Variants in TSHZ2 observed in about 807,000 individuals in gnomAD.
TSHZ2 encodes the protein teashirt zinc finger homeobox 2.
TSHZ2 carries 21 observed loss-of-function variants against 74.4 expected under a neutral mutation model. The observed-to-expected ratio is 0.28, with a 90% CI of 0.20 to 0.41. The LOEUF (loss-of-function observed/expected upper bound fraction) is 0.41, where lower values mean the gene tolerates loss of function less well. Among genes scored for constraint, TSHZ2 ranks in the 10% least tolerant of loss-of-function variants. The pLI, the probability that TSHZ2 is intolerant of heterozygous loss-of-function variation, is 1.00. For synonymous variants in TSHZ2, 540 were observed against 515.3 expected, an observed-to-expected ratio of 1.05 and a Z score of -0.65; for missense variants, 1,244 against 1,293.5, an observed-to-expected ratio of 0.96 and a Z score of 0.59.
intron 2 of TSHZ2, among the ~76,000 whole-genome samples, chr20:53,458,878 T>A (rs914783080): frequency 6.6e-6 from 1 of 152,046 alleles, no homozygotes; most frequent in Non-Finnish European, 1.5e-5. Context: ...CGGTTTTGAG[T>A]GAGATTCTTA....
intron 1 of TSHZ2, chr20:53,206,723 T>C (rs1230980894): frequency 6.6e-6 from 1 of 152,246 alleles, no homozygotes; most frequent in African/African-American, 2.4e-5. Context: ...GGGATTTTTA[T>C]AATCCAAATT....
intron 1 of TSHZ2, among the ~76,000 whole-genome samples, chr20:53,060,053 C>A (rs1315412363): frequency 3.3e-5 from 5 of 152,112 alleles, no homozygotes; most frequent in Admixed American, 2.6e-4. Context: ...AGAGCTATGT[C>A]GAAATGTAGA....
At chr20:53,409,202 C>A (rs1982956065) in intron 2 of TSHZ2, among the ~76,000 whole-genome samples, 1 of 151,960 alleles carries the variant, frequency 6.6e-6, no homozygotes, top group Non-Finnish European at 1.5e-5. Context: ...AAAGGCCCAA[C>A]AAATGGCATT....
At position 53,321,117 on chromosome 20, in the gene TSHZ2, C is replaced by T. The variant is rs145409919; in HGVS notation, c.*8+64546C>T. Among the ~76,000 whole-genome samples the T allele has an allele frequency of 8.5e-5, 13 of 152,278 alleles. No homozygotes were observed. The East Asian group carries it at 9.6e-4, about 11-fold the overall frequency. On this transcript the variant is annotated intron_variant, in intron 2 of 2. Coordinates refer to ENST00000371497, the MANE Select transcript of TSHZ2 (RefSeq NM_173485.6). ...ACCACAATACACCATCACTCTAGGG[C>T]GCAACAGGTTTTCAATAATGAAATT... is the stretch of plus-strand genomic sequence containing the variant.
At chr20:53,144,115 G>A (rs1309150968) in intron 1 of TSHZ2, among the ~76,000 whole-genome samples, 1 of 152,190 alleles carries the variant, frequency 6.6e-6, no homozygotes, top group African/African-American at 2.4e-5. Context: ...ACTGAGTGCA[G>A]GGTCTGCATA....
At chr20:53,237,132 A>G (rs1335254025) in intron 1 of TSHZ2, among the ~76,000 whole-genome samples, 2 of 152,220 alleles carry the variant, frequency 1.3e-5, no homozygotes, top group Non-Finnish European at 2.9e-5. Flanking sequence ...AACTCACATG[A>G]GATCCTTACT....
chr20:53,407,434 T>C (rs1422887568), intron 2 of TSHZ2, among the ~76,000 whole-genome samples: 1 of 152,234 alleles, frequency 6.6e-6, no homozygotes, highest in African/African-American at 2.4e-5. Context: ...AGAAATTCTT[T>C]TGAATGCAAT....
chr20:52,980,210 C>T (rs1024988144), intron 1 of TSHZ2, among the ~76,000 whole-genome samples: 2 of 152,176 alleles, frequency 1.3e-5, no homozygotes, highest in African/African-American at 2.4e-5. Context: ...AACTTTGTTG[C>T]GGCAGGATAA....
At chr20:53,265,597 C>T (rs146227532) in intron 2 of TSHZ2, among the ~76,000 whole-genome samples, 294 of 152,300 alleles carry the variant, frequency 1.9e-3, no homozygotes, top group African/African-American at 7.0e-3. Context: ...GCAGTAAATG[C>T]CACCTCCCTG....
chr20:53,281,059 A>T (rs1228302771), intron 2 of TSHZ2, among the ~76,000 whole-genome samples: 1 of 152,216 alleles, frequency 6.6e-6, no homozygotes, highest in African/African-American at 2.4e-5. Flanking sequence ...AGAAATGAGC[A>T]AGGCAAAGAA....
intron 1 of TSHZ2, among the ~76,000 whole-genome samples, chr20:53,047,783 T>C (rs1984279109): frequency 6.6e-6 from 1 of 152,148 alleles, no homozygotes; most frequent in South Asian, 2.1e-4. Flanking sequence ...ATAATAAAAT[T>C]CCTGTGTGTT....
At chr20:53,322,470 A>G (rs1324084631) in intron 2 of TSHZ2, among the ~76,000 whole-genome samples, 3 of 151,932 alleles carry the variant, frequency 2.0e-5, no homozygotes, top group Non-Finnish European at 2.9e-5. Context: ...CCAAGATGGC[A>G]CCACCACATT....
At chr20:53,166,593 A>C (rs1222503290) in intron 1 of TSHZ2, among the ~76,000 whole-genome samples, 1 of 152,186 alleles carries the variant, frequency 6.6e-6, no homozygotes, top group Non-Finnish European at 1.5e-5. Context: ...CAACATGGTG[A>C]AACCCCATCT....
chr20:53,244,012 C>CA (rs1374679991), intron 1 of TSHZ2, among the ~76,000 whole-genome samples: 3 of 151,348 alleles, frequency 2.0e-5, no homozygotes, highest in Non-Finnish European at 2.9e-5. Context: ...CAGCATTTGC[C>CA]AAAAAAAGGA....
intron 1 of TSHZ2, among the ~76,000 whole-genome samples, chr20:53,211,160 C>T (rs1989294962): frequency 6.6e-6 from 1 of 152,142 alleles, no homozygotes; most frequent in Admixed American, 6.6e-5. Flanking sequence ...TGCTGTAACC[C>T]TGTGAGGTAG....
At chr20:53,234,433 C>A (rs1198948363) in intron 1 of TSHZ2, among the ~76,000 whole-genome samples, 1 of 152,110 alleles carries the variant, frequency 6.6e-6, no homozygotes, top group Admixed American at 6.5e-5. Flanking sequence ...TCTTACAAAG[C>A]TTACAAACTA....
intron 2 of TSHZ2, among the ~76,000 whole-genome samples, chr20:53,413,806 A>G (rs1245165765): frequency 1.3e-5 from 2 of 152,238 alleles, no homozygotes; most frequent in Non-Finnish European, 2.9e-5. Context: ...CCAAGTGTCT[A>G]TAGTATTCAC....
At chr20:53,149,875 C>T (rs1987634673) in intron 1 of TSHZ2, among the ~76,000 whole-genome samples, 2 of 152,180 alleles carry the variant, frequency 1.3e-5, no homozygotes, top group Non-Finnish European at 2.9e-5. Flanking sequence ...AAGAATATCT[C>T]CTTGCAGCTT....
intron 2 of TSHZ2, among the ~76,000 whole-genome samples, chr20:53,336,653 G>A (rs1377899934): frequency 1.3e-5 from 2 of 152,164 alleles, no homozygotes; most frequent in African/African-American, 4.8e-5. Context: ...TTGTTCTTGT[G>A]TCTGTGTTAC....
Sources: allele counts gnomAD v4.1 joint callset (sites outside exome capture counted in the v4.1 genomes callset), GRCh38; gene constraint gnomAD v4.1.1; transcripts MANE v1.5; gene names NCBI Gene and HGNC (gene_info 2026-07-23, HGNC 2026-07-21).